Variants in HHAT observed in about 807,000 individuals in gnomAD.
The protein encoded by HHAT is hedgehog acyltransferase.
In HHAT, 47 loss-of-function variants were observed where a neutral mutation model predicts 70.8. That is an observed-to-expected ratio of 0.66 (90% CI 0.53 to 0.85). The LOEUF (loss-of-function observed/expected upper bound fraction) is 0.85. HHAT is among the 40% of genes least tolerant of loss of function. HHAT has a pLI of 0.00. For synonymous variants in HHAT, 228 were observed against 247.6 expected (o/e 0.92, Z 0.74); for missense variants, 609 against 604.8 (o/e 1.01, Z -0.07).
rs1024575664 is a variant in HHAT, at chr1:210,623,636, T to G, written c.1356T>G (p.Val452=). ...TGGTATTTCTTGGGGGCAATGAGGT[T>G]GGGAAAACCTACTGGAATAGGATCT... The part of the protein sequence containing the change: ...SNLVFLGGNE[V]GKTYWNRIFI... The change falls in exon 11 of 12, where the codon GTT becomes GTG. Residue 452 remains valine (V), a synonymous_variant. Transcript: ENST00000261458. 6.2e-6 allele frequency: 10 copies of G among 1,614,078 alleles called. No homozygotes were observed. Among genetic ancestry groups the G allele is most frequent in the Non-Finnish European group, 7.6e-6 (9 of 1,179,984 alleles).
chr1:210,630,064 A>C (rs1355490270), intron 11 of HHAT, among the ~76,000 whole-genome samples: 1 of 151,972 alleles, frequency 6.6e-6, no homozygotes, highest in Non-Finnish European at 1.5e-5. Context: ...GCTGGTCTTG[A>C]ACTCCTGACC....
At chr1:210,354,135 C>CA (rs1442169752) in intron 2 of HHAT, among the ~76,000 whole-genome samples, 1 of 150,682 alleles carries the variant, frequency 6.6e-6, no homozygotes, top group African/African-American at 2.4e-5. Context: ...CAATCCATCT[C>CA]AAGTGTATTT....
At chr1:210,369,423 A>G (rs909762911) in intron 3 of HHAT, among the ~76,000 whole-genome samples, 6 of 152,258 alleles carry the variant, frequency 3.9e-5, no homozygotes, top group African/African-American at 1.4e-4. Flanking sequence ...ATAAAGAGGT[A>G]CTTCTATAAA....
chr1:210,452,968 A>G (rs2093784831), intron 7 of HHAT, among the ~76,000 whole-genome samples: 1 of 152,174 alleles, frequency 6.6e-6, no homozygotes, highest in Admixed American at 6.5e-5. Context: ...GAGATTAAAA[A>G]CCTGTCTAAG....
chr1:210,556,717 T>C (rs2095576197), intron 9 of HHAT, among the ~76,000 whole-genome samples: 1 of 152,226 alleles, frequency 6.6e-6, no homozygotes, highest in South Asian at 2.1e-4. Context: ...AGACTGGTAC[T>C]GATGAGACCA....
intron 9 of HHAT, among the ~76,000 whole-genome samples, chr1:210,567,532 A>G (rs1323701563): frequency 1.3e-5 from 2 of 152,216 alleles, no homozygotes; most frequent in East Asian, 1.9e-4. Flanking sequence ...ATTTAACTCA[A>G]TGGAAATCCT....
intron 11 of HHAT, among the ~76,000 whole-genome samples, chr1:210,668,927 C>G (rs1679498188): frequency 6.6e-6 from 1 of 152,172 alleles, no homozygotes; most frequent in African/African-American, 2.4e-5. Context: ...GCACCTGCCA[C>G]CACACCCCGC....
At chr1:210,628,700 G>C (rs1232340652) in intron 11 of HHAT, among the ~76,000 whole-genome samples, 1 of 152,192 alleles carries the variant, frequency 6.6e-6, no homozygotes, top group Non-Finnish European at 1.5e-5. Context: ...TGAGAGAAGA[G>C]AAAGTATATT....
At chr1:210,434,643 A>AT (rs2093333831) in intron 7 of HHAT, among the ~76,000 whole-genome samples, 1 of 151,718 alleles carries the variant, frequency 6.6e-6, no homozygotes, top group Non-Finnish European at 1.5e-5. Context: ...GAGTGTCCAC[A>AT]TCTCCTGGAA....
chr1:210,556,130 G>T (rs1368786528), intron 9 of HHAT, among the ~76,000 whole-genome samples: 1 of 151,868 alleles, frequency 6.6e-6, no homozygotes, highest in Non-Finnish European at 1.5e-5. Flanking sequence ...CCTTCTCGTG[G>T]TCTTTTTCTC....
In HHAT at chr1:210,595,122, C is replaced by G. The variant is rs576507311; in HGVS notation, c.1245+7023C>G. Among the ~76,000 whole-genome samples the G allele has an allele frequency of 9.9e-5, 15 of 152,222 alleles. No homozygotes were observed. The South Asian group carries it at 1.7e-3, about 17-fold the overall frequency. On this transcript the variant is annotated intron_variant, in intron 10 of 11. Coordinates refer to ENST00000261458, the MANE Select transcript of HHAT (RefSeq NM_018194.6). ...TAATGCTATTCCTCCCCACTCCCCCCACCCCACAACAGGCCCCAGTGTGTG... is the reference window on the plus strand; with the variant it reads ...TAATGCTATTCCTCCCCACTCCCCCGACCCCACAACAGGCCCCAGTGTGTG...
At chr1:210,465,963 GGAAT>G (rs1275186977) in intron 8 of HHAT, among the ~76,000 whole-genome samples, 3 of 17,816 alleles carry the variant, frequency 1.7e-4, no homozygotes, top group Non-Finnish European at 3.2e-4. Flanking sequence ...GGAATTGCAA[GGAAT>G]GAATTGCAAG....
chr1:210,463,381 G>C (rs578021633), intron 7 of HHAT, among the ~76,000 whole-genome samples: 1 of 152,186 alleles, frequency 6.6e-6, no homozygotes, highest in East Asian at 1.9e-4. Context: ...CCTATTCTGG[G>C]CTTTCATATG....
At chr1:210,479,074 C>T (rs1343008556) in intron 8 of HHAT, among the ~76,000 whole-genome samples, 2 of 152,120 alleles carry the variant, frequency 1.3e-5, no homozygotes, top group African/African-American at 4.8e-5. Context: ...CAGCTGTTCC[C>T]GGGCAAGTTT....
At position 210,482,681 on chromosome 1, in the gene HHAT, C is replaced by T. The variant is rs1227583436; in HGVS notation, c.1007+18026C>T. On this transcript the variant is annotated intron_variant, in intron 8 of 11. Transcript: ENST00000261458. Reference sequence around the variant, plus strand: ...TAGAGAGTGGAAATAATTCACGTCACGTTGCTGTACTGCTATAATGAATAC... The same window carrying T: ...TAGAGAGTGGAAATAATTCACGTCATGTTGCTGTACTGCTATAATGAATAC... 5.3e-5 allele frequency among the ~76,000 whole-genome samples: 8 copies of T among 152,116 alleles called. No homozygotes were observed. In the East Asian group the frequency reaches 5.8e-4, roughly 11 times the overall value.
intron 8 of HHAT, among the ~76,000 whole-genome samples, chr1:210,498,267 T>C (rs1338104747): frequency 6.6e-6 from 1 of 152,240 alleles, no homozygotes; most frequent in Non-Finnish European, 1.5e-5. Flanking sequence ...TTAGTGTTTC[T>C]ATTAAATGTA....
chr1:210,340,709 A>C (rs539724190), intron 1 of HHAT, among the ~76,000 whole-genome samples: 1 of 152,168 alleles, frequency 6.6e-6, no homozygotes, highest in Non-Finnish European at 1.5e-5. Context: ...TATTGATTTA[A>C]ATTTTTTTAT....
At chr1:210,379,651 A>T (rs1017036009) in intron 3 of HHAT, among the ~76,000 whole-genome samples, 6 of 152,186 alleles carry the variant, frequency 3.9e-5, no homozygotes, top group African/African-American at 1.4e-4. Context: ...TAACTGTTTC[A>T]GGATATGCAG....
chr1:210,493,846 C>A (rs1372808644), intron 8 of HHAT, among the ~76,000 whole-genome samples: 1 of 152,208 alleles, frequency 6.6e-6, no homozygotes, highest in Non-Finnish European at 1.5e-5. Context: ...CGGTTCCTTG[C>A]ATCACCACCT....
Sources: allele counts gnomAD v4.1 joint callset (sites outside exome capture counted in the v4.1 genomes callset), GRCh38; gene constraint gnomAD v4.1.1; transcripts MANE v1.5; gene names NCBI Gene and HGNC (gene_info 2026-07-23, HGNC 2026-07-21).